ADAM9: variants seen among roughly 807,000 people sequenced by gnomAD.
The protein encoded by ADAM9 is disintegrin and metalloproteinase domain-containing protein 9.
A neutral mutation model predicts 108.1 loss-of-function variants in ADAM9; 54 were observed. That is an observed-to-expected ratio of 0.50 (90% CI 0.40 to 0.63). The LOEUF (loss-of-function observed/expected upper bound fraction) is 0.63. ADAM9 is among the 20% of genes least tolerant of loss of function. The pLI is 0.00. For synonymous variants in ADAM9, 316 were observed against 336.0 expected (o/e 0.94, Z 0.65); for missense variants, 830 against 997.7 (o/e 0.83, Z 2.26).
rs544859214 is a variant in ADAM9 at position 39,065,501 on chromosome 8, A to G, written c.1592-5797A>G. Among the ~76,000 whole-genome samples, 8 of 151,804 alleles carry G rather than the reference A, an allele frequency of 5.3e-5. No homozygotes were observed. In the South Asian group the frequency reaches 1.2e-3, roughly 24 times the overall value. On this transcript the variant is annotated intron_variant, in intron 14 of 21. Coordinates refer to ENST00000487273, the MANE Select transcript of ADAM9 (RefSeq NM_003816.3). ...AACCCTGTCTCTACTAAAAATACCA[A>G]ATAAAAAAATTAGCCTGGTGTGGTG...
chr8:39,075,741 G>T lies in ADAM9; in HGVS notation c.1698-1487G>T, dbSNP rs1279092408. On this transcript the variant is annotated intron_variant, in intron 15 of 21. Coordinates refer to ENST00000487273, the MANE Select transcript of ADAM9 (RefSeq NM_003816.3). ...GTATATCATAGCAATGTGAATTTTG[G>T]TAGGCCCCAACAGATCTTAACTGAG... 2.0e-5 allele frequency: 3 copies of T among 152,088 alleles called. No individual in the cohort carries two copies. In the East Asian group the frequency reaches 5.8e-4, roughly 29 times the overall value. 9.4% of individuals were successfully genotyped at this position (152,088 alleles called of 1,614,324 possible).
Position 39,089,804 on chromosome 8 carries a change from C to T in ADAM9, c.2069-243C>T, listed in dbSNP as rs114246117. ...GTTGACAGTAGAAACGTATTTTGTT[C>T]TTGATTGTTTGCTCGAAGAAATACT... On this transcript the variant is annotated intron_variant, in intron 18 of 21. Transcript: ENST00000487273. 913 of 483,976 alleles carry T rather than the reference C, an allele frequency of 1.9e-3. 8 individuals carry two copies. Among genetic ancestry groups the T allele is most frequent in the African/African-American group, 0.015 (789 of 51,210 alleles). 30.0% of individuals were successfully genotyped at this position (483,976 alleles called of 1,614,324 possible). A position where few individuals can be genotyped will look rare whatever the true frequency, so the allele number is the denominator to read the frequency against.
At chr8:39,079,964 C>G (rs948427486) in intron 16 of ADAM9, among the ~76,000 whole-genome samples, 5 of 152,138 alleles carry the variant, frequency 3.3e-5, no homozygotes, top group African/African-American at 1.2e-4. Context: ...TTTTGTATCT[C>G]AGTATAATAT....
intron 15 of ADAM9, among the ~76,000 whole-genome samples, chr8:39,071,940 T>C (rs1838709820): frequency 6.6e-6 from 1 of 152,212 alleles, no homozygotes; most frequent in African/African-American, 2.4e-5. Context: ...GTTTTTAGAC[T>C]CTTATTTTGT....
Position 39,007,937 on chromosome 8 carries a change from G to A in ADAM9, c.149G>A (p.Arg50Lys), listed in dbSNP as rs772858526. 6.2e-7 allele frequency: 1 copy of A among 1,612,192 alleles called. No homozygotes were observed. Among genetic ancestry groups the A allele is most frequent in the East Asian group, 2.2e-5 (1 of 44,802 alleles). ...TCTTATGAAATTATAACTCCTTGGAGATTAACTAGAGAAAGAAGAGAAGCC... is the reference window on the plus strand; with the variant it reads ...TCTTATGAAATTATAACTCCTTGGAAATTAACTAGAGAAAGAAGAGAAGCC... ...LSSYEIITPW[R>K]LTRERREAPR... The change falls in exon 2 of 22, where the codon AGA (arginine) becomes AAA (lysine). Residue 50 changes from arginine (R) to lysine (K), a missense_variant. Around this residue, in one of 3 missense-constraint regions of ADAM9, gnomAD observed 211 missense variants for 222.2 expected, o/e 0.95. Transcript: ENST00000487273.
intron 11 of ADAM9, among the ~76,000 whole-genome samples, chr8:39,039,866 T>G (rs1215745853): frequency 6.6e-6 from 1 of 152,158 alleles, no homozygotes; most frequent in Non-Finnish European, 1.5e-5. Context: ...TGAGGTGGTG[T>G]TTTCATTTTC....
intron 14 of ADAM9, among the ~76,000 whole-genome samples, chr8:39,066,946 A>G (rs1838498210): frequency 6.6e-6 from 1 of 152,174 alleles, no homozygotes; most frequent in Non-Finnish European, 1.5e-5. Flanking sequence ...TAAGGAAGGG[A>G]TCCAGTTTCA....
At chr8:39,059,470 G>T (rs1175505177) in intron 14 of ADAM9, among the ~76,000 whole-genome samples, 1 of 152,202 alleles carries the variant, frequency 6.6e-6, no homozygotes, top group East Asian at 1.9e-4. Context: ...CTGAGCCCAC[G>T]CATCGCCTCC....
At chr8:39,055,898 T>C in intron 14 of ADAM9, 126 bp downstream of exon 14, 2 of 1,020,130 alleles carry the variant, frequency 2.0e-6, no homozygotes, top group Non-Finnish European at 2.8e-6. Context: ...GTATTTCCTT[T>C]CTTCTTTGGA....
chr8:39,068,754 A>AG (rs1189593804), intron 14 of ADAM9, among the ~76,000 whole-genome samples: 1 of 136,168 alleles, frequency 7.3e-6, no homozygotes, highest in African/African-American at 2.6e-5. Flanking sequence ...ACAGGAGGTG[A>AG]GGGAAAATAA....
chr8:39,077,892 A>G (rs532941237), intron 16 of ADAM9, among the ~76,000 whole-genome samples: 1 of 152,242 alleles, frequency 6.6e-6, no homozygotes, highest in East Asian at 1.9e-4. Context: ...TTTTTTGGAG[A>G]ATATAAAATT....
chr8:39,045,589 A>ATAT (rs1564303201), intron 12 of ADAM9, among the ~76,000 whole-genome samples: 18 of 140,632 alleles, frequency 1.3e-4, no homozygotes, highest in African/African-American at 4.9e-4. Flanking sequence ...TATATATATA[A>ATAT]AAGATTTTTC....
At chr8:39,076,343 C>T (rs900602835) in intron 15 of ADAM9, 4 of 152,174 alleles carry the variant, frequency 2.6e-5, no homozygotes, top group African/African-American at 9.7e-5. Flanking sequence ...GAAAAGATAT[C>T]TGTGTAGTCT....
chr8:39,036,443 C>G (rs913155765), intron 11 of ADAM9, among the ~76,000 whole-genome samples: 3 of 151,930 alleles, frequency 2.0e-5, no homozygotes, highest in South Asian at 4.2e-4. Context: ...TCAGAGGACT[C>G]AAATAAATAT....
intron 9 of ADAM9, among the ~76,000 whole-genome samples, chr8:39,025,469 T>C (rs2129434310): frequency 6.6e-6 from 1 of 152,304 alleles, no homozygotes; most frequent in Non-Finnish European, 1.5e-5. Flanking sequence ...TTTCATTCGT[T>C]ATCTGTCTCT....
intron 14 of ADAM9, among the ~76,000 whole-genome samples, chr8:39,068,822 G>A (rs1838582606): frequency 6.6e-6 from 1 of 150,772 alleles, no homozygotes; most frequent in Non-Finnish European, 1.5e-5. Flanking sequence ...GTTTTTAGAA[G>A]AGTTTCTGTG....
chr8:39,033,969 C>T (rs1588359686), intron 11 of ADAM9, among the ~76,000 whole-genome samples: 1 of 152,148 alleles, frequency 6.6e-6, no homozygotes. Flanking sequence ...AGAATATATA[C>T]ATCTATTGTG....
chr8:39,016,051 T>G, intron 4 of ADAM9, 67 bp from the exon 5 acceptor site: 1 of 1,455,330 alleles, frequency 6.9e-7, no homozygotes, highest in Non-Finnish European at 9.6e-7. Flanking sequence ...TTGTTAGCTC[T>G]GCAATTTCTG....
chr8:39,038,314 C>G (rs890741359), intron 11 of ADAM9, among the ~76,000 whole-genome samples: 3 of 152,206 alleles, frequency 2.0e-5, no homozygotes, highest in Non-Finnish European at 4.4e-5. Context: ...CTGTATCTCT[C>G]ATGACTCATT....
Sources: allele counts gnomAD v4.1 joint callset (sites outside exome capture counted in the v4.1 genomes callset), GRCh38; gene constraint gnomAD v4.1.1; regional missense constraint gnomAD v4.1.1; transcripts MANE v1.5; gene names NCBI Gene and HGNC (gene_info 2026-07-23, HGNC 2026-07-21).